The following FHAD1 variants were observed in gnomAD, a reference collection of about 807,000 sequenced individuals.
The protein encoded by FHAD1 is forkhead-associated domain-containing protein 1.
A neutral mutation model predicts 191.3 loss-of-function variants in FHAD1; 146 were observed. The ratio of observed to expected loss-of-function variants is 0.76; its 90% CI spans 0.67 to 0.88. The LOEUF (loss-of-function observed/expected upper bound fraction) is 0.88, where lower values mean the gene tolerates loss of function less well. Ranked by LOEUF, FHAD1 falls within the 40% of genes least tolerant of loss-of-function variation. The probability of loss-of-function intolerance (pLI) is 0.00; values close to 1 mark genes in which losing one functional copy is unlikely to be tolerated. For missense variants in FHAD1, 1,635 were observed against 1,785.8 expected (o/e 0.92, Z 1.52); for synonymous variants, 616 against 672.3 (o/e 0.92, Z 1.29).
At chr1:15,238,183 G>A (rs370624398) in intron 1 of FHAD1, among the ~76,000 whole-genome samples, 1 of 135,896 alleles carries the variant, frequency 7.4e-6, no homozygotes, top group African/African-American at 2.8e-5. Flanking sequence ...GGAGGCAGAA[G>A]TTATAGTGAG....
At chr1:15,342,996 C>G (rs1687360394) in intron 16 of FHAD1, among the ~76,000 whole-genome samples, 1 of 151,812 alleles carries the variant, frequency 6.6e-6, no homozygotes, top group South Asian at 2.1e-4. Flanking sequence ...AGGTCTCTCT[C>G]TATGTTGCCC....
intron 2 of FHAD1, among the ~76,000 whole-genome samples, chr1:15,255,488 G>A (rs566296634): frequency 6.6e-6 from 1 of 152,102 alleles, no homozygotes; most frequent in East Asian, 1.9e-4. Flanking sequence ...GTTTCCTAAT[G>A]GCAATAGAAA....
chr1:15,259,516 A>T (rs139668564), intron 2 of FHAD1, among the ~76,000 whole-genome samples: 69 of 152,326 alleles, frequency 4.5e-4, no homozygotes, highest in African/African-American at 1.6e-3. Flanking sequence ...TTTAGGGAAC[A>T]TCTAAAAATC....
intron 26 of FHAD1, among the ~76,000 whole-genome samples, chr1:15,372,906 C>T (rs1283054768): frequency 2.6e-5 from 4 of 152,112 alleles, no homozygotes; most frequent in African/African-American, 9.7e-5. Context: ...ATATTTTCAC[C>T]TTGTTGTCTG....
rs34368724 is a variant in FHAD1 at position 15,299,648 on chromosome 1, G to C, written c.679-1557G>C. 9.5e-3 allele frequency among the ~76,000 whole-genome samples: 1,439 copies of C among 152,260 alleles called. 9 individuals carry two copies. Among genetic ancestry groups the C allele is most frequent in the African/African-American group, 0.015 (614 of 41,542 alleles). On this transcript the variant is annotated intron_variant, in intron 5 of 33. Coordinates refer to ENST00000688493, the MANE Select transcript of FHAD1 (RefSeq NM_001391957.1). ...GGGTGCTCCCTCAAGGAAGTCACAG[G>C]GTCCCCACCAGAAAGGCAGGAACCA...
chr1:15,374,031 G>A lies in FHAD1; in HGVS notation c.3448-471G>A, dbSNP rs373044372. ...TTCCAGAAGCTCCGAAGCCTCAGAG[G>A]AAGGTTTTCATTTCTCCAGCCCAAC... On this transcript the variant is annotated intron_variant, in intron 26 of 33. Coordinates refer to ENST00000688493, the MANE Select transcript of FHAD1 (RefSeq NM_001391957.1). Among the ~76,000 whole-genome samples the A allele has an allele frequency of 4.7e-4, 72 of 152,322 alleles. No individual in the cohort carries two copies. In the South Asian group the frequency reaches 0.015, roughly 32 times the overall value.
chr1:15,307,563 T>C (rs1190400906), intron 6 of FHAD1, among the ~76,000 whole-genome samples: 1 of 152,138 alleles, frequency 6.6e-6, no homozygotes, highest in Non-Finnish European at 1.5e-5. Context: ...AATTGAATCA[T>C]GGGGGCTGGT....
chr1:15,395,372 G>A (rs529648847), intron 33 of FHAD1, among the ~76,000 whole-genome samples: 1 of 150,460 alleles, frequency 6.6e-6, no homozygotes, highest in East Asian at 1.9e-4. Context: ...TCTCTCTCGT[G>A]CATGCATGCA....
At chr1:15,324,786 C>T (rs1677680206) in intron 11 of FHAD1, 1 of 533,770 alleles carries the variant, frequency 1.9e-6, no homozygotes, top group African/African-American at 1.9e-5. Context: ...TTTACGATGA[C>T]CCGAGACCCG....
chr1:15,381,203 C>G lies in FHAD1; in HGVS notation c.3802-28C>G. ...GGCCACCAGCGGCCGCGGGTAATGC[C>G]TCTTATGCGCGAACGTTTTCCTTGT... On this transcript the variant is annotated intron_variant, in intron 29 of 33. Transcript: ENST00000688493. The surrounding 1 kb of genome is among the most constrained non-coding windows in gnomAD (Gnocchi z 4.6). 6.6e-7 allele frequency: 1 copy of G among 1,511,446 alleles called. No individual in the cohort carries two copies. The highest frequency in any genetic ancestry group is 2.5e-5 in the East Asian group (1 of 40,598). The allele number at this position is 1,511,446 out of a possible 1,614,324, so 93.6% of individuals were successfully genotyped here.
chr1:15,268,429 T>C (rs1654530362), intron 2 of FHAD1, among the ~76,000 whole-genome samples: 1 of 146,396 alleles, frequency 6.8e-6, no homozygotes, highest in African/African-American at 2.5e-5. Context: ...AAGTCTTTGC[T>C]ATTGTGAATA....
chr1:15,381,357 G>C lies in FHAD1; in HGVS notation c.3928G>C (p.Asp1310His). 1 of 1,551,722 alleles carries C rather than the reference G, an allele frequency of 6.4e-7. No homozygotes were observed. The highest frequency in any genetic ancestry group is 8.7e-7 in the Non-Finnish European group (1 of 1,146,998). ...KVNQLRQRDL[D>H]LVFDKITQLK... ...CAACCAGCTTCGACAAAGGGACCTC[G>C]ACCTGGTGTTTGATAAGATCACCCA... Residue 1310 changes from aspartate (D) to histidine (H), a missense_variant, in exon 30 of 34, where the codon GAC becomes CAC. Physicochemically the swap from Asp to His is moderately conservative, Grantham distance 81. Transcript: ENST00000688493. This position sits in a 1 kb window ranked among gnomAD's most constrained non-coding sequence, Gnocchi z 4.6.
chr1:15,313,603 C>T (rs896936291), intron 8 of FHAD1, among the ~76,000 whole-genome samples: 8 of 152,172 alleles, frequency 5.3e-5, no homozygotes, highest in African/African-American at 9.7e-5. Flanking sequence ...AAAGAGGACA[C>T]GGTGGGCTTC....
At position 15,369,361 on chromosome 1, in the gene FHAD1, C is replaced by T. The variant is rs927136082; in HGVS notation, c.3315-9C>T. 5 of 1,552,008 alleles carry T rather than the reference C, an allele frequency of 3.2e-6. No homozygotes were observed. The Admixed American group carries it at 9.8e-5, about 30-fold the overall frequency. ...GAACCTCGTGCCATCCTCCTCTTCT[C>T]TACCCTAGGGCTTCCCAAGAGAAAC... is the stretch of plus-strand genomic sequence containing the variant. On this transcript the variant is annotated splice_polypyrimidine_tract_variant and intron_variant, in intron 25 of 33. Transcript: ENST00000688493.
intron 23 of FHAD1, among the ~76,000 whole-genome samples, chr1:15,363,105 G>A (rs759984209): frequency 6.6e-6 from 1 of 152,164 alleles, no homozygotes; most frequent in African/African-American, 2.4e-5. Flanking sequence ...TACAGTTATG[G>A]AGACTGAGAA....
upstream of FHAD1, among the ~76,000 whole-genome samples, chr1:15,245,858 G>A (rs72642382): frequency 0.093 from 14,205 of 152,184 alleles, 1,000 homozygotes; most frequent in Admixed American, 0.2. Flanking sequence ...CCAGAAGTCC[G>A]CATTTCTAAA....
Position 15,301,242 on chromosome 1 carries a change from G to A in FHAD1, c.716G>A (p.Arg239His), listed in dbSNP as rs531204038. 109 of 1,551,702 alleles carry A rather than the reference G, an allele frequency of 7.0e-5. 2 individuals are homozygous for A. Among genetic ancestry groups the A allele is most frequent in the South Asian group, 6.5e-4 (55 of 84,062 alleles). ...IILLLGKEVS[R>H]LSDYEIESKY... Reference sequence around the variant, plus strand: ...CTGCTGCTGGGAAAAGAGGTCAGCCGTCTCTCAGATTATGAAATTGAATCC... The same window carrying A: ...CTGCTGCTGGGAAAAGAGGTCAGCCATCTCTCAGATTATGAAATTGAATCC... Residue 239 changes from arginine (R) to histidine (H), a missense_variant, in exon 6 of 34, where the codon CGT (arginine) becomes CAT (histidine). Physicochemically the swap from Arg to His is conservative, Grantham distance 29. Transcript: ENST00000688493.
chr1:15,310,259 C>T (rs760392720), intron 7 of FHAD1, among the ~76,000 whole-genome samples: 1 of 152,202 alleles, frequency 6.6e-6, no homozygotes, highest in African/African-American at 2.4e-5. Flanking sequence ...TCGCTGTCTC[C>T]GCAGGACCCA....
chr1:15,390,223 G>A (rs1199969367), intron 32 of FHAD1, among the ~76,000 whole-genome samples: 2 of 151,552 alleles, frequency 1.3e-5, no homozygotes, highest in Non-Finnish European at 2.9e-5. Context: ...GCAGGCGCCT[G>A]TAATCCAAGC....
Sources: allele counts gnomAD v4.1 joint callset (sites outside exome capture counted in the v4.1 genomes callset), GRCh38; gene constraint gnomAD v4.1.1; non-coding constraint Gnocchi (gnomAD v3.1); transcripts MANE v1.5; gene names NCBI Gene and HGNC (gene_info 2026-07-23, HGNC 2026-07-21).